Variants in NELL2 observed in about 807,000 individuals in gnomAD.
NELL2 encodes the protein neural EGFL like 2, also known as protein kinase C-binding protein NELL2.
In NELL2, 41 loss-of-function variants were observed where a neutral mutation model predicts 109.6. The observed-to-expected ratio is 0.37, with a 90% confidence interval of 0.29 to 0.49. The LOEUF is 0.49. NELL2 is among the 20% of genes least tolerant of loss of function. The pLI is 0.98. For missense variants in NELL2, 900 were observed against 1,008.3 expected (o/e 0.89, Z 1.45); for synonymous variants, 355 against 344.7 (o/e 1.03, Z -0.33).
chr12:44,617,406 G>GAAGAATAAATTTAAAGGATGAAA (rs1592213850), intron 13 of NELL2, among the ~76,000 whole-genome samples: 2 of 145,458 alleles, frequency 1.4e-5, no homozygotes, highest in African/African-American at 2.8e-5. Context: ...AAGCAGTTGT[G>GAAGAATAAATTTAAAGGATGAAA]GCCGGGCGCG....
At chr12:44,783,733 G>T (rs1396271476) in intron 3 of NELL2, among the ~76,000 whole-genome samples, 1 of 151,908 alleles carries the variant, frequency 6.6e-6, no homozygotes, top group African/African-American at 2.4e-5. Flanking sequence ...TTTCATTGCA[G>T]AATTTTCTCA....
At chr12:44,713,073 TC>T (rs1472147472) in intron 10 of NELL2, among the ~76,000 whole-genome samples, 1 of 151,732 alleles carries the variant, frequency 6.6e-6, no homozygotes, top group African/African-American at 2.4e-5. Flanking sequence ...AATCAAATAA[TC>T]TTATATAATA....
chr12:44,710,702 C>A (rs1486115331), intron 11 of NELL2, among the ~76,000 whole-genome samples: 1 of 152,054 alleles, frequency 6.6e-6, no homozygotes, highest in Non-Finnish European at 1.5e-5. Flanking sequence ...TTATCTTCAA[C>A]TAATAATTGA....
intron 15 of NELL2, among the ~76,000 whole-genome samples, chr12:44,588,667 T>G (rs7136601): frequency 2.0e-3 from 301 of 152,338 alleles, no homozygotes; most frequent in Non-Finnish European, 3.0e-3. Flanking sequence ...TTATATGCTT[T>G]CTTTCTTTTT....
chr12:44,556,407 C>A (rs921785375), intron 15 of NELL2, among the ~76,000 whole-genome samples: 1 of 151,998 alleles, frequency 6.6e-6, no homozygotes, highest in Non-Finnish European at 1.5e-5. Context: ...GAGCAGCATG[C>A]GGGGATGAAA....
chr12:44,712,429 G>A (rs564274770), intron 10 of NELL2, among the ~76,000 whole-genome samples: 1 of 152,040 alleles, frequency 6.6e-6, no homozygotes, highest in South Asian at 2.1e-4. Context: ...ATCAGTTCTG[G>A]TAATCTGATT....
chr12:44,749,703 G>C (rs1263867481), intron 9 of NELL2, among the ~76,000 whole-genome samples: 2 of 152,172 alleles, frequency 1.3e-5, no homozygotes, highest in East Asian at 1.9e-4. Context: ...GAGGAAAGGA[G>C]AGGGGTCTAC....
At chr12:44,863,159 T>C (rs1403376062) in intron 2 of NELL2, among the ~76,000 whole-genome samples, 1 of 152,174 alleles carries the variant, frequency 6.6e-6, no homozygotes, top group African/African-American at 2.4e-5. Context: ...GTGTTCTTAT[T>C]GTTCAGCTCC....
chr12:44,593,027 G>C (rs549080085), intron 15 of NELL2, among the ~76,000 whole-genome samples: 23 of 152,310 alleles, frequency 1.5e-4, no homozygotes, highest in African/African-American at 5.3e-4. Context: ...TGAGGGGAAT[G>C]AAGGAAATGA....
chr12:44,792,050 C>G (rs2136632860), intron 3 of NELL2, among the ~76,000 whole-genome samples: 1 of 152,096 alleles, frequency 6.6e-6, no homozygotes, highest in East Asian at 1.9e-4. Context: ...AGAGTGGTGT[C>G]TCAAAAGCCT....
chr12:44,776,318 G>GT (rs142118661), intron 7 of NELL2, among the ~76,000 whole-genome samples, 168 bp from the exon 8 acceptor site: 3,000 of 152,144 alleles, frequency 0.02, 95 homozygotes, highest in African/African-American at 0.069. Context: ...TTAAAAGAAT[G>GT]TTTTTTTCTC....
intron 1 of NELL2, among the ~76,000 whole-genome samples, chr12:44,911,901 A>G (rs567152947): frequency 1.3e-5 from 2 of 152,032 alleles, no homozygotes; most frequent in African/African-American, 4.8e-5. Context: ...GCACATCAAC[A>G]TGGCACATGT....
At chr12:44,850,735 G>T (rs931284208) in intron 2 of NELL2, among the ~76,000 whole-genome samples, 1 of 152,042 alleles carries the variant, frequency 6.6e-6, no homozygotes, top group Non-Finnish European at 1.5e-5. Flanking sequence ...ATAAAACCCA[G>T]CAACAAAACA....
intron 13 of NELL2, among the ~76,000 whole-genome samples, chr12:44,657,586 C>T (rs12296773): frequency 0.048 from 7,237 of 152,192 alleles, 611 homozygotes; most frequent in African/African-American, 0.17. Context: ...CCCATCAACC[C>T]GTCATCTACA....
At position 44,520,194 on chromosome 12, in the gene NELL2, T is replaced by G; in HGVS notation, c.2211A>C (p.Pro737=). ...GAATGCTGAATTCACACTCCACATC[T>G]GGGCAAGGCAGGGGCCAACAATCAA... ...GEVDCWPLPC[P]DVECEFSILP... is the part of the protein sequence containing the mutation. Residue 737 remains proline, a synonymous_variant, in exon 19 of 20, where the codon CCA becomes CCC. Transcript: ENST00000429094. 6.2e-7 allele frequency: 1 copy of G among 1,613,122 alleles called. No homozygotes were observed.
rs754015606 is a variant in NELL2 at position 44,703,779 on chromosome 12, C to T, written c.1265G>A (p.Cys422Tyr). 2 of 1,613,456 alleles carry T rather than the reference C, an allele frequency of 1.2e-6. No homozygotes were observed. Among genetic ancestry groups the T allele is most frequent in the Non-Finnish European group, 1.7e-6 (2 of 1,179,620 alleles). Residue 422 changes from cysteine (C) to tyrosine (Y), a missense_variant, in exon 12 of 20, where the codon TGT (cysteine) becomes TAT (tyrosine). Physicochemically the swap from Cys to Tyr is radical, Grantham distance 194. Transcript: ENST00000429094. Reference protein sequence around the residue: ...ICRNLNDRAVCSCRDGFRALR... With the variant: ...ICRNLNDRAVYSCRDGFRALR... Reference sequence around the variant, plus strand: ...AGCCCTAAAACCATCTCGACAGCTACAAACAGCCCTGTCATTCAGATTTCT... The same window carrying T: ...AGCCCTAAAACCATCTCGACAGCTATAAACAGCCCTGTCATTCAGATTTCT...
chr12:44,868,201 G>T (rs1463699836), intron 2 of NELL2, among the ~76,000 whole-genome samples: 2 of 145,546 alleles, frequency 1.4e-5, no homozygotes, highest in Non-Finnish European at 3.0e-5. Flanking sequence ...CTATGAAAAA[G>T]ATAAAATACT....
intron 9 of NELL2, among the ~76,000 whole-genome samples, chr12:44,728,727 A>G (rs1026514394): frequency 1.3e-5 from 2 of 152,300 alleles, no homozygotes; most frequent in East Asian, 3.9e-4. Context: ...TTTCAAAAGA[A>G]GCAAAAGAAA....
intron 3 of NELL2, among the ~76,000 whole-genome samples, chr12:44,785,281 A>G (rs1220639060): frequency 1.3e-5 from 2 of 152,238 alleles, no homozygotes; most frequent in Admixed American, 6.5e-5. Flanking sequence ...TCCATTCACA[A>G]TTGCTACAAA....
Sources: gnomAD v4.1 joint callset for allele counts (sites outside exome capture counted in the v4.1 genomes callset) on GRCh38, gnomAD v4.1.1 for gene constraint, MANE v1.5 for transcripts, NCBI Gene and HGNC (gene_info 2026-07-23, HGNC 2026-07-21) for gene names.